The following GINM1 variants were observed in gnomAD, a reference collection of about 807,000 sequenced individuals.
The protein encoded by GINM1 is glycosylated integral membrane protein 1.
In GINM1, 29 loss-of-function variants were observed where a neutral mutation model predicts 37.8. The ratio of observed to expected loss-of-function variants is 0.77; its 90% CI spans 0.57 to 1.05. The LOEUF (loss-of-function observed/expected upper bound fraction) is 1.05, where lower values mean the gene tolerates loss of function less well. GINM1 is among the 50% of genes least tolerant of loss of function. The pLI, the probability that GINM1 is intolerant of heterozygous loss-of-function variation, is 0.00. For missense variants in GINM1, 377 were observed against 397.9 expected, an observed-to-expected ratio of 0.95 and a Z score of 0.45; for synonymous variants, 143 against 146.2, an observed-to-expected ratio of 0.98 and a Z score of 0.16.
chr6:149,575,828 A>AGACGTG (rs1777905948), intron 3 of GINM1, among the ~76,000 whole-genome samples: 1 of 152,216 alleles, frequency 6.6e-6, no homozygotes, highest in Admixed American at 6.5e-5. Context: ...CGTGGAATAC[A>AGACGTG]GCCTGTCTCC....
chr6:149,590,801 A>G lies in GINM1; in HGVS notation c.956A>G (p.Lys319Arg). ...AINLYPDGPE[K>R]RAENLEDKTC... ...AACTTATATCCAGATGGTCCAGAGAAAAGAGCTGAAAACCTTGAAGATAAA... is the reference window on the plus strand; with the variant it reads ...AACTTATATCCAGATGGTCCAGAGAGAAGAGCTGAAAACCTTGAAGATAAA... The change falls in exon 8 of 8, where the codon AAA (lysine) becomes AGA (arginine). Residue 319 changes from lysine (K) to arginine (R), a missense_variant. Coordinates refer to ENST00000367419, the MANE Select transcript of GINM1 (RefSeq NM_138785.5). 1 of 1,599,294 alleles carries G rather than the reference A, an allele frequency of 6.3e-7. No individual in the cohort carries two copies. The highest frequency in any genetic ancestry group is 8.6e-7 in the Non-Finnish European group (1 of 1,166,896).
chr6:149,569,407 C>T (rs1383526627), intron 1 of GINM1, among the ~76,000 whole-genome samples: 3 of 149,532 alleles, frequency 2.0e-5, no homozygotes, highest in Admixed American at 1.4e-4. Context: ...GGTGCAATCT[C>T]GGCTCACTGC....
intron 1 of GINM1, among the ~76,000 whole-genome samples, chr6:149,569,757 A>AT (rs1777781821): frequency 6.6e-6 from 1 of 152,164 alleles, no homozygotes; most frequent in African/African-American, 2.4e-5. Flanking sequence ...GCTCAGACGT[A>AT]TTTTAAACCA....
intron 7 of GINM1, among the ~76,000 whole-genome samples, chr6:149,587,532 A>G (rs570671034): frequency 7.4e-4 from 113 of 152,122 alleles, no homozygotes; most frequent in South Asian, 2.1e-3. Context: ...TCAGGGAAAC[A>G]CCTCCACTTA....
At chr6:149,585,590 T>A (rs530295494) in intron 7 of GINM1, among the ~76,000 whole-genome samples, 8 of 152,164 alleles carry the variant, frequency 5.3e-5, no homozygotes, top group Admixed American at 6.5e-5. Flanking sequence ...TATTTTTATT[T>A]TTTATTTATT....
chr6:149,570,134 TTTTATATATATATA>T lies in GINM1; in HGVS notation c.121-2149_121-2136del, dbSNP rs1293102822. On this transcript the variant is annotated intron_variant, in intron 1 of 7. Coordinates refer to ENST00000367419, the MANE Select transcript of GINM1 (RefSeq NM_138785.5). ...AAACTCTGTAATTTTACTAGGTAGG[TTTTATATATATATA>T]TATATATATATATATATATATATAT... Among the ~76,000 whole-genome samples the T allele has an allele frequency of 1.6e-3, 149 of 96,122 alleles. 18 individuals are homozygous for T. The highest frequency in any genetic ancestry group is 5.7e-3 in the African/African-American group (118 of 20,638). The allele number at this position is 96,122 out of a possible 152,430, so 63.1% of individuals were successfully genotyped here.
chr6:149,580,572 G>A lies in GINM1; in HGVS notation c.587-21G>A, dbSNP rs201300766. The A allele has an allele frequency of 3.9e-5, 63 of 1,597,786 alleles. No homozygotes were observed. In the East Asian group the frequency reaches 6.7e-4, roughly 17 times the overall value. On this transcript the variant is annotated intron_variant, in intron 5 of 7. Coordinates refer to ENST00000367419, the MANE Select transcript of GINM1 (RefSeq NM_138785.5). ...GATAAGACACCAGCATTTTGGTAAC[G>A]TTGCTCTTTCTCCTGGGTAGAAAGT...
At chr6:149,572,657 T>C in intron 3 of GINM1, 54 bp downstream of exon 3, 1 of 1,052,660 alleles carries the variant, frequency 9.5e-7, no homozygotes, top group East Asian at 2.4e-5. Flanking sequence ...GTGTTTGTTG[T>C]TGTTGTTGTT....
At chr6:149,570,139 TATATATATATATATA>T (rs1777790273) in intron 1 of GINM1, among the ~76,000 whole-genome samples, 6 of 2,794 alleles carry the variant, frequency 2.1e-3, no homozygotes, top group Admixed American at 7.0e-3. Context: ...GTAGGTTTTA[TATATATATATATATA>T]TATATATATA....
chr6:149,589,443 A>C (rs536099328), intron 7 of GINM1, among the ~76,000 whole-genome samples: 159 of 148,774 alleles, frequency 1.1e-3, no homozygotes, highest in Admixed American at 2.3e-3. Context: ...CGGCTAATTT[A>C]TGTATTTTTA....
chr6:149,585,065 T>C (rs1030616398), intron 7 of GINM1, among the ~76,000 whole-genome samples: 2 of 152,130 alleles, frequency 1.3e-5, no homozygotes, highest in African/African-American at 4.8e-5. Context: ...AATTCTGTAG[T>C]TTAACAGATT....
rs1036770466 is a variant in GINM1 at position 149,566,631 on chromosome 6, C to T, written c.120+97C>T. On this transcript the variant is annotated intron_variant, in intron 1 of 7. Transcript: ENST00000367419. The surrounding 1 kb of genome is among the most constrained non-coding windows in gnomAD (Gnocchi z 4.4). The stretch of plus-strand genomic sequence containing the variant: ...ACGCTTCCCACATCCCACCGGCGGG[C>T]AGGGGCGGGGGTCCGGGCCCCCGAA... The T allele has an allele frequency of 7.3e-6, 10 of 1,361,282 alleles. No individual in the cohort carries two copies. The highest frequency in any genetic ancestry group is 4.9e-5 in the South Asian group (3 of 61,286). 84.3% of individuals were successfully genotyped at this position (1,361,282 alleles called of 1,614,324 possible).
chr6:149,581,475 T>C (rs1175777833), intron 6 of GINM1, among the ~76,000 whole-genome samples: 1 of 152,158 alleles, frequency 6.6e-6, no homozygotes, highest in Admixed American at 6.5e-5. Flanking sequence ...TACTCTTTAT[T>C]TCCCCGTACT....
rs149471658 is a variant in GINM1 at position 149,574,207 on chromosome 6, T to C, written c.277+1604T>C. 1.4e-3 allele frequency among the ~76,000 whole-genome samples: 206 copies of C among 152,046 alleles called. 8 individuals carry two copies. In the East Asian group the frequency reaches 0.023, roughly 17 times the overall value. On this transcript the variant is annotated intron_variant, in intron 3 of 7. Coordinates refer to ENST00000367419, the MANE Select transcript of GINM1 (RefSeq NM_138785.5). ...CTTGGATTACAGGTGCCCGCCACCA[T>C]GCCCGGCTAATTTTTGTATTTTTAG...
chr6:149,572,695 T>A, intron 3 of GINM1, 92 bp downstream of exon 3: 1 of 810,566 alleles, frequency 1.2e-6, no homozygotes, highest in Non-Finnish European at 2.1e-6. Context: ...ACAGTCTTGC[T>A]CTGTCACCCA....
At chr6:149,575,445 C>T (rs1316355413) in intron 3 of GINM1, among the ~76,000 whole-genome samples, 1 of 152,242 alleles carries the variant, frequency 6.6e-6, no homozygotes, top group African/African-American at 2.4e-5. Flanking sequence ...GACTGCCAGA[C>T]ACTTTGTCGA....
At chr6:149,587,752 G>T (rs1398312590) in intron 7 of GINM1, among the ~76,000 whole-genome samples, 1 of 152,116 alleles carries the variant, frequency 6.6e-6, no homozygotes, top group Non-Finnish European at 1.5e-5. Context: ...AGGCATGATT[G>T]ATTACATCAT....
chr6:149,579,021 G>A (rs1178232629), intron 4 of GINM1, 48 bp downstream of exon 4: 2 of 1,234,720 alleles, frequency 1.6e-6, no homozygotes, highest in Non-Finnish European at 2.3e-6. Context: ...ATTTAGATTT[G>A]TGCTAGATAT....
intron 1 of GINM1, among the ~76,000 whole-genome samples, chr6:149,570,154 A>T (rs1339970136): frequency 1.3e-4 from 5 of 39,434 alleles, no homozygotes; most frequent in African/African-American, 6.8e-4. Flanking sequence ...ATATATATAT[A>T]TATATATATA....
Sources: allele counts gnomAD v4.1 joint callset (sites outside exome capture counted in the v4.1 genomes callset), GRCh38; gene constraint gnomAD v4.1.1; non-coding constraint Gnocchi (gnomAD v3.1); transcripts MANE v1.5; gene names NCBI Gene and HGNC (gene_info 2026-07-23, HGNC 2026-07-21).